Variants in PIGN observed in about 807,000 individuals in gnomAD.
The protein encoded by PIGN is GPI ethanolamine phosphate transferase 1.
In PIGN, 117 loss-of-function variants were observed where a neutral mutation model predicts 125.4. That is an observed-to-expected ratio of 0.93 (90% CI 0.80 to 1.09). PIGN has a LOEUF of 1.09. Among genes scored for constraint, PIGN ranks in the 50% least tolerant of loss-of-function variants. PIGN has a pLI of 0.00. For missense variants in PIGN, 1,075 were observed against 1,094.9 expected (o/e 0.98, Z 0.26); for synonymous variants, 392 against 377.8 (o/e 1.04, Z -0.44).
At chr18:62,066,678 T>C (rs759656408) in intron 30 of PIGN, among the ~76,000 whole-genome samples, 4 of 152,150 alleles carry the variant, frequency 2.6e-5, no homozygotes, top group Admixed American at 1.3e-4. Context: ...GTGGACTCTG[T>C]GTAGCAATGC....
intron 16 of PIGN, among the ~76,000 whole-genome samples, chr18:62,110,786 C>A (rs531512472): frequency 6.6e-6 from 1 of 151,158 alleles, no homozygotes; most frequent in African/African-American, 2.4e-5. Context: ...CACATGTGTA[C>A]ATATGTAACA....
intron 14 of PIGN, among the ~76,000 whole-genome samples, chr18:62,133,904 A>G: frequency 6.6e-6 from 1 of 152,170 alleles, no homozygotes; most frequent in East Asian, 1.9e-4. Context: ...CAGACCAAAA[A>G]CTTTTACATG....
chr18:62,091,284 G>A (rs939058582), intron 23 of PIGN, among the ~76,000 whole-genome samples: 5 of 152,144 alleles, frequency 3.3e-5, no homozygotes, highest in African/African-American at 9.7e-5. Context: ...GGCAGAGGTT[G>A]CAGTAAGCTG....
In PIGN at chr18:62,138,234, G is replaced by C. The variant is rs1254317817; in HGVS notation, c.1172+9C>G. The C allele has an allele frequency of 2.6e-6, 4 of 1,541,344 alleles. No homozygotes were observed. The highest frequency in any genetic ancestry group is 3.5e-6 in the Non-Finnish European group (4 of 1,144,222). On this transcript the variant is annotated intron_variant, in intron 14 of 30. Coordinates refer to ENST00000640252, the MANE Select transcript of PIGN (RefSeq NM_176787.5). ...CCTTCAAGTTAATAAAAAAATGTAA[G>C]GGACTTACTTAAATGGTGTAAACAA...
intron 23 of PIGN, among the ~76,000 whole-genome samples, chr18:62,025,242 C>T (rs2030102724): frequency 6.6e-6 from 1 of 152,174 alleles, no homozygotes; most frequent in Non-Finnish European, 1.5e-5. Context: ...TGGTATCATG[C>T]TGTACATAGC....
chr18:62,026,654 C>G (rs946359537), intron 23 of PIGN, among the ~76,000 whole-genome samples: 8 of 152,140 alleles, frequency 5.3e-5, no homozygotes, highest in African/African-American at 1.9e-4. Flanking sequence ...CAAAATGTAC[C>G]CAGTGTACTT....
intron 22 of PIGN, 144 bp downstream of exon 22, chr18:62,100,931 A>C: frequency 3.1e-6 from 2 of 647,420 alleles, no homozygotes; most frequent in Non-Finnish European, 5.5e-6. Flanking sequence ...AATTCCAGCA[A>C]GAGATAGAAA....
chr18:62,025,483 A>G (rs2030105793), intron 23 of PIGN, among the ~76,000 whole-genome samples: 1 of 152,216 alleles, frequency 6.6e-6, no homozygotes, highest in Non-Finnish European at 1.5e-5. Context: ...TAGCAAACAT[A>G]ATGAGAGAGG....
intron 1 of PIGN, among the ~76,000 whole-genome samples, chr18:62,182,284 T>C (rs2037745157): frequency 6.6e-6 from 1 of 152,040 alleles, no homozygotes; most frequent in Non-Finnish European, 1.5e-5. Context: ...TCCACATATG[T>C]AACTCGAACC....
At chr18:62,159,645 T>C (rs1678930765) in intron 4 of PIGN, among the ~76,000 whole-genome samples, 1 of 152,206 alleles carries the variant, frequency 6.6e-6, no homozygotes, top group Admixed American at 6.5e-5. Context: ...ATGTTATGCA[T>C]CTCTCTGAGC....
At chr18:62,157,271 C>T in intron 5 of PIGN, 44 bp from the exon 6 acceptor site, 1 of 933,876 alleles carries the variant, frequency 1.1e-6, no homozygotes, top group Non-Finnish European at 1.7e-6. Flanking sequence ...ACACATGGTA[C>T]AATAAGCCCC....
At chr18:62,161,503 AACTTT>A (rs1197747452) in intron 3 of PIGN, 118 bp from the exon 4 acceptor site, 22 of 548,246 alleles carry the variant, frequency 4.0e-5, no homozygotes, top group African/African-American at 2.1e-4. Flanking sequence ...TATAACTCAC[AACTTT>A]ACTTTCATTT....
At position 62,074,766 on chromosome 18, in the gene PIGN, A is replaced by C. The variant is rs753146941; in HGVS notation, c.2619+13T>G. 1 of 1,559,802 alleles carries C rather than the reference A, an allele frequency of 6.4e-7. No individual in the cohort carries two copies. Among genetic ancestry groups the C allele is most frequent in the African/African-American group, 1.4e-5 (1 of 73,754 alleles). ...TTAATCTAATTTATATGGACTACCC[A>C]GTAATGCCTTACCAAAGCCATAATG... is the stretch of plus-strand genomic sequence containing the variant. On this transcript the variant is annotated intron_variant, in intron 29 of 30. Coordinates refer to ENST00000640252, the MANE Select transcript of PIGN (RefSeq NM_176787.5).
At chr18:62,047,805 CCAGGAAGATCTCAAG>C (rs1162756358) in intron 30 of PIGN, among the ~76,000 whole-genome samples, 1 of 151,934 alleles carries the variant, frequency 6.6e-6, no homozygotes, top group Non-Finnish European at 1.5e-5. Flanking sequence ...ACATCAAGAA[CCAGGAAGATCTCAAG>C]CAGAATGAAA....
At chr18:62,074,141 CA>C (rs1190577475) in intron 29 of PIGN, among the ~76,000 whole-genome samples, 2 of 152,192 alleles carry the variant, frequency 1.3e-5, no homozygotes, top group East Asian at 3.8e-4. Context: ...AGAAGCTTGG[CA>C]TTTGGTGTCC....
chr18:62,038,005 G>A (rs1280309229), downstream of PIGN, among the ~76,000 whole-genome samples: 1 of 152,192 alleles, frequency 6.6e-6, no homozygotes, highest in Non-Finnish European at 1.5e-5. Flanking sequence ...GAATGAACAT[G>A]TAAGAGTTCT....
intron 25 of PIGN, among the ~76,000 whole-genome samples, chr18:62,087,538 A>G (rs935088637): frequency 6.6e-6 from 1 of 152,254 alleles, no homozygotes; most frequent in Non-Finnish European, 1.5e-5. Flanking sequence ...AAAGGACAAG[A>G]TGAAATTATA....
intron 23 of PIGN, among the ~76,000 whole-genome samples, chr18:62,032,000 C>T (rs1041600554): frequency 2.0e-5 from 3 of 152,152 alleles, no homozygotes; most frequent in Non-Finnish European, 4.4e-5. Context: ...TCCAGGTGTT[C>T]CTTGGCTTGT....
At chr18:62,025,353 C>T (rs941175983) in intron 23 of PIGN, among the ~76,000 whole-genome samples, 15 of 152,102 alleles carry the variant, frequency 9.9e-5, no homozygotes, top group African/African-American at 3.4e-4. Flanking sequence ...TATTTTGTTT[C>T]CTCTTGTTTT....
Sources: allele counts gnomAD v4.1 joint callset (sites outside exome capture counted in the v4.1 genomes callset), GRCh38; gene constraint gnomAD v4.1.1; transcripts MANE v1.5; gene names NCBI Gene and HGNC (gene_info 2026-07-23, HGNC 2026-07-21).